The following RYR2 variants were observed in gnomAD, a reference collection of about 807,000 sequenced individuals.
The protein encoded by RYR2 is ryanodine receptor 2, also known as cardiac muscle ryanodine receptor-calcium release channel.
RYR2 carries 227 observed loss-of-function variants against 601.1 expected under a neutral mutation model. The observed-to-expected ratio is 0.38, with a 90% CI of 0.34 to 0.42. The LOEUF (loss-of-function observed/expected upper bound fraction) is 0.42, where lower values mean the gene tolerates loss of function less well. RYR2 is among the 10% of genes least tolerant of loss of function. The pLI, the probability that RYR2 is intolerant of heterozygous loss-of-function variation, is 1.00. For synonymous variants in RYR2, 2,223 were observed against 2,175.1 expected, an observed-to-expected ratio of 1.02 and a Z score of -0.61; for missense variants, 4,646 against 6,156.5, an observed-to-expected ratio of 0.75 and a Z score of 8.21.
intron 66 of RYR2, 92 bp from the exon 67 acceptor site, chr1:237,705,121 C>T: frequency 9.0e-7 from 1 of 1,107,528 alleles, no homozygotes; most frequent in Non-Finnish European, 1.3e-6. Flanking sequence ...CCAATATTAT[C>T]ATTCCTTTTA....
intron 3 of RYR2, among the ~76,000 whole-genome samples, chr1:237,338,565 T>C (rs1198744932): frequency 6.6e-6 from 1 of 152,198 alleles, no homozygotes; most frequent in Admixed American, 6.5e-5. Flanking sequence ...GAATACAAAA[T>C]AGTGAGTGTG....
At chr1:237,352,151 C>T (rs1204549615) in intron 3 of RYR2, among the ~76,000 whole-genome samples, 3 of 151,940 alleles carry the variant, frequency 2.0e-5, no homozygotes, top group Non-Finnish European at 4.4e-5. Flanking sequence ...TAGAAATTAT[C>T]TATCAAATGC....
chr1:237,510,506 T>G (rs2150540657), intron 23 of RYR2, among the ~76,000 whole-genome samples: 1 of 143,362 alleles, frequency 7.0e-6, no homozygotes. Context: ...TTCAAAGTTC[T>G]GCAATCAAAT....
chr1:237,478,000 G>C (rs1025316539), intron 17 of RYR2, among the ~76,000 whole-genome samples: 14 of 152,152 alleles, frequency 9.2e-5, no homozygotes, highest in Non-Finnish European at 1.9e-4. Context: ...CCCATGAAAG[G>C]TACCTGCTCT....
chr1:237,551,400 G>A (rs544703683), intron 27 of RYR2, among the ~76,000 whole-genome samples: 2 of 151,736 alleles, frequency 1.3e-5, no homozygotes, highest in South Asian at 2.1e-4. Flanking sequence ...GCATGGTGGC[G>A]GACACCTGTA....
rs766039441 is a variant in RYR2, at chr1:237,065,269, C to CTTTTTTTTTTT, written c.48+22717_48+22727dup. Among the ~76,000 whole-genome samples, 10 of 77,502 alleles carry CTTTTTTTTTTT rather than the reference C, an allele frequency of 1.3e-4. 2 individuals carry two copies. The highest frequency in any genetic ancestry group is 5.2e-4 in the African/African-American group (10 of 19,186). The allele number at this position is 77,502 out of a possible 152,430, so 50.8% of individuals were successfully genotyped here. ...CCTCAAAGAGCTCTTGTGTGCTATC[C>CTTTTTTTTTTT]TTTTTTTTTTTTTTTTTTTTTTTTT... On this transcript the variant is annotated intron_variant, in intron 1 of 104. Transcript: ENST00000366574.
intron 27 of RYR2, 91 bp from the exon 28 acceptor site, chr1:237,566,476 G>A (rs780803179): frequency 6.8e-5 from 88 of 1,303,370 alleles, no homozygotes; most frequent in Non-Finnish European, 8.9e-5. Context: ...CTAAAGTCGT[G>A]ATTTATCTTT....
At chr1:237,331,212 T>G (rs1696676561) in intron 3 of RYR2, among the ~76,000 whole-genome samples, 1 of 152,242 alleles carries the variant, frequency 6.6e-6, no homozygotes, top group Admixed American at 6.5e-5. Context: ...GGCCTCGTGC[T>G]TATGTCTGTT....
rs1349012544 is a variant in RYR2, at chr1:237,623,355, C to CTTTGTTTCTTTCTTTCTTTG, written c.5917-391_5917-390insGTTTGTTTCTTTCTTTCTTT. 2.4e-3 allele frequency among the ~76,000 whole-genome samples: 264 copies of CTTTGTTTCTTTCTTTCTTTG among 111,900 alleles called. 31 individuals are homozygous for CTTTGTTTCTTTCTTTCTTTG. The highest frequency in any genetic ancestry group is 2.6e-3 in the Non-Finnish European group (149 of 57,158). 73.4% of individuals were successfully genotyped at this position (111,900 alleles called of 152,430 possible). A position where few individuals can be genotyped will look rare whatever the true frequency, so the allele number is the denominator to read the frequency against. On this transcript the variant is annotated intron_variant, in intron 38 of 104. Transcript: ENST00000366574. ...TTGCTTTTGTGGTAGTTGTGCCTTTCTTTGTTTCTTTCTTTCTTTCTTTCT... is the reference window on the plus strand; with the variant it reads ...TTGCTTTTGTGGTAGTTGTGCCTTTCTTTGTTTCTTTCTTTCTTTGTTTGTTTCTTTCTTTCTTTCTTTCT...
intron 1 of RYR2, among the ~76,000 whole-genome samples, chr1:237,194,614 A>G (rs920133045): frequency 1.3e-5 from 2 of 152,162 alleles, no homozygotes; most frequent in African/African-American, 4.8e-5. Flanking sequence ...ACTGCCCACC[A>G]ATGTAGACTC....
intron 14 of RYR2, among the ~76,000 whole-genome samples, chr1:237,452,496 A>G (rs1436918989): frequency 2.1e-5 from 3 of 144,724 alleles, no homozygotes; most frequent in African/African-American, 7.5e-5. Flanking sequence ...TACTATATAT[A>G]ATGTATAACA....
intron 1 of RYR2, among the ~76,000 whole-genome samples, chr1:237,070,567 GC>G (rs1664195046): frequency 6.6e-6 from 1 of 152,160 alleles, no homozygotes; most frequent in African/African-American, 2.4e-5. Flanking sequence ...GGTTTTGCTT[GC>G]TCCCACTGGG....
At chr1:237,317,786 C>G (rs1695250160) in intron 2 of RYR2, among the ~76,000 whole-genome samples, 2 of 152,020 alleles carry the variant, frequency 1.3e-5, no homozygotes, top group African/African-American at 4.8e-5. Context: ...TGTTTCACCT[C>G]TTACGGTTAA....
At chr1:237,592,968 C>G (rs532588806) in intron 32 of RYR2, among the ~76,000 whole-genome samples, 2 of 149,718 alleles carry the variant, frequency 1.3e-5, no homozygotes, top group Admixed American at 6.7e-5. Context: ...CTTCAGTGAG[C>G]TGAGATCACA....
chr1:237,641,463 G>GTCTTTCTTTCTTTCTTTCTTTCTT lies in RYR2; in HGVS notation c.7221+464_7221+465insTTCTTTCTTTCTTTCTTTCTTTCT, dbSNP rs1459578599. ...AGCTATTTAGACCATATAAATTAGT[G>GTCTTTCTTTCTTTCTTTCTTTCTT]TCTGTCTGTCTTTCTTTCTTTCTTT... On this transcript the variant is annotated intron_variant, in intron 47 of 104. Coordinates refer to ENST00000366574, the MANE Select transcript of RYR2 (RefSeq NM_001035.3). Among the ~76,000 whole-genome samples the GTCTTTCTTTCTTTCTTTCTTTCTT allele has an allele frequency of 1.3e-4, 7 of 55,264 alleles. No individual in the cohort carries two copies. In the South Asian group the frequency reaches 1.7e-3, roughly 14 times the overall value. The allele number at this position is 55,264 out of a possible 152,430, so 36.3% of individuals were successfully genotyped here.
intron 23 of RYR2, among the ~76,000 whole-genome samples, chr1:237,508,529 C>T (rs1185532891): frequency 6.6e-6 from 1 of 150,844 alleles, no homozygotes; most frequent in Non-Finnish European, 1.5e-5. Flanking sequence ...AATATTTCAA[C>T]GGGCTTCTAA....
intron 101 of RYR2, among the ~76,000 whole-genome samples, chr1:237,827,513 C>T (rs1558497424): frequency 1.3e-5 from 2 of 151,640 alleles, no homozygotes; most frequent in African/African-American, 4.9e-5. Context: ...GCCTGTAATC[C>T]CAGCTACTTG....
At position 237,550,608 on chromosome 1, in the gene RYR2, A is replaced by C; in HGVS notation, c.3131A>C (p.Lys1044Thr). 3.7e-6 allele frequency: 6 copies of C among 1,603,164 alleles called. No homozygotes were observed. Among genetic ancestry groups the C allele is most frequent in the Non-Finnish European group, 5.1e-6 (6 of 1,174,598 alleles). Residue 1044 changes from lysine to threonine, a missense_variant, in exon 27 of 105, where the codon AAA (lysine) becomes ACA (threonine). Lys to Thr is a moderately conservative substitution (Grantham distance 78, BLOSUM62 -1). Transcript: ENST00000366574. ...PYTLLDDRTK[K>T]SNKDSLREAV... ...ACTCTTCTGGATGACCGAACCAAGAAATCCAACAAGGACAGCCTCCGCGAG... is the reference window on the plus strand; with the variant it reads ...ACTCTTCTGGATGACCGAACCAAGACATCCAACAAGGACAGCCTCCGCGAG...
intron 17 of RYR2, among the ~76,000 whole-genome samples, chr1:237,474,280 C>T (rs1661149503): frequency 2.0e-5 from 1 of 49,468 alleles, no homozygotes; most frequent in Admixed American, 2.6e-4. Context: ...CACACACACA[C>T]ACACATATAT....
Sources: gnomAD v4.1 joint callset for allele counts (sites outside exome capture counted in the v4.1 genomes callset) on GRCh38, gnomAD v4.1.1 for gene constraint, MANE v1.5 for transcripts, NCBI Gene and HGNC (gene_info 2026-07-23, HGNC 2026-07-21) for gene names.